The following MYH9 variants were observed in gnomAD, a reference collection of about 807,000 sequenced individuals.
MYH9 encodes the protein myosin heavy chain 9.
MYH9 carries 29 observed loss-of-function variants against 241.9 expected under a neutral mutation model. The observed-to-expected ratio is 0.12, with a 90% CI of 0.09 to 0.16. The LOEUF is 0.16. Among genes scored for constraint, MYH9 ranks in the 10% least tolerant of loss-of-function variants. MYH9 has a pLI of 1.00. For synonymous variants in MYH9, 1,047 were observed against 1,062.6 expected (o/e 0.99, Z 0.29); for missense variants, 1,803 against 2,595.5 (o/e 0.69, Z 6.63).
intron 12 of MYH9, 31 bp from the exon 13 acceptor site, chr22:36,314,349 C>A: frequency 6.2e-7 from 1 of 1,612,960 alleles, no homozygotes; most frequent in Non-Finnish European, 8.5e-7. Context: ...GTCAGAGAGA[C>A]GCCAACCCTG....
chr22:36,300,809 C>T lies in MYH9; in HGVS notation c.2838+42G>A. ...GTTCCTGCTCCTCCGCCCCGCCCTG[C>T]CCCTCCGGCGCCACCCCTCCCCGGG... On this transcript the variant is annotated intron_variant, in intron 22 of 40. Transcript: ENST00000216181. This position sits in a 1 kb window ranked among gnomAD's most constrained non-coding sequence, Gnocchi z 5.0. 6.3e-7 allele frequency: 1 copy of T among 1,596,578 alleles called. No individual in the cohort carries two copies. The highest frequency in any genetic ancestry group is 1.1e-5 in the South Asian group (1 of 91,028).
chr22:36,363,952 A>T (rs192867665), intron 1 of MYH9, among the ~76,000 whole-genome samples: 1 of 152,370 alleles, frequency 6.6e-6, no homozygotes, highest in East Asian at 1.9e-4. Context: ...GCTTCTGCTG[A>T]TAGAATGGTT....
intron 1 of MYH9, among the ~76,000 whole-genome samples, chr22:36,378,575 C>A (rs1415699858): frequency 6.6e-6 from 1 of 152,052 alleles, no homozygotes; most frequent in Non-Finnish European, 1.5e-5. Flanking sequence ...TTCTGAATGG[C>A]CCACCCTGCT....
In MYH9 at chr22:36,356,042, C is replaced by T. The variant is rs564594401; in HGVS notation, c.-19-6787G>A. On this transcript the variant is annotated intron_variant, in intron 1 of 40. Coordinates refer to ENST00000216181, the MANE Select transcript of MYH9 (RefSeq NM_002473.6). Reference sequence around the variant, plus strand: ...CCCAGTCTGCCAGGAGTTGACCTAACCAATCTCCAATGGCCTTGGGCACGC... The same window carrying T: ...CCCAGTCTGCCAGGAGTTGACCTAATCAATCTCCAATGGCCTTGGGCACGC... Among the ~76,000 whole-genome samples the T allele has an allele frequency of 3.3e-5, 5 of 152,296 alleles. No homozygotes were observed. In the East Asian group the frequency reaches 7.7e-4, roughly 24 times the overall value.
At position 36,308,301 on chromosome 22, in the gene MYH9, C is replaced by T. The variant is rs1222276489; in HGVS notation, c.1843+981G>A. On this transcript the variant is annotated intron_variant, in intron 15 of 40. Transcript: ENST00000216181. ...TTTTTTTTTTGAGGCAGGGTCTCAC[C>T]CTGTCACCCAGGCTGGAGTACAGTG... Among the ~76,000 whole-genome samples, 3 of 151,638 alleles carry T rather than the reference C, an allele frequency of 2.0e-5. No individual in the cohort carries two copies. In the East Asian group the frequency reaches 5.8e-4, roughly 29 times the overall value.
rs543593238 is a variant in MYH9 at position 36,334,668 on chromosome 22, C to T, written c.490+6702G>A. ...TTCATTAAGCGAGCAGGAGTGTGGACGGAAGGAATGAGCGATTTGAAGCCT... is the reference window on the plus strand; with the variant it reads ...TTCATTAAGCGAGCAGGAGTGTGGATGGAAGGAATGAGCGATTTGAAGCCT... On this transcript the variant is annotated intron_variant, in intron 3 of 40. Transcript: ENST00000216181. Among the ~76,000 whole-genome samples, 4 of 152,206 alleles carry T rather than the reference C, an allele frequency of 2.6e-5. No individual in the cohort carries two copies. The South Asian group carries it at 6.2e-4, about 24-fold the overall frequency.
intron 5 of MYH9, among the ~76,000 whole-genome samples, chr22:36,322,812 C>T (rs112105237): frequency 2.6e-5 from 4 of 152,216 alleles, no homozygotes; most frequent in African/African-American, 4.8e-5. Flanking sequence ...TGGCCCTGGA[C>T]GACCCATGTG....
At chr22:36,377,889 C>A (rs901381345) in intron 1 of MYH9, among the ~76,000 whole-genome samples, 1 of 151,792 alleles carries the variant, frequency 6.6e-6, no homozygotes, top group Admixed American at 6.6e-5. Context: ...CCAGCCTGGA[C>A]GACAGAGCAA....
rs546750350 is a variant in MYH9, at chr22:36,383,849, A to G, written c.-20+3958T>C. On this transcript the variant is annotated intron_variant, in intron 1 of 40. Coordinates refer to ENST00000216181, the MANE Select transcript of MYH9 (RefSeq NM_002473.6). ...GTGGCGGGCACCTGTAATCCCAGCT[A>G]TTCGGGAGGTTGAGGCATGAGAACC... Among the ~76,000 whole-genome samples the G allele has an allele frequency of 3.3e-5, 5 of 151,846 alleles. No individual in the cohort carries two copies. The South Asian group carries it at 8.4e-4, about 25-fold the overall frequency.
intron 1 of MYH9, among the ~76,000 whole-genome samples, chr22:36,363,824 G>A (rs968590669): frequency 7.9e-5 from 12 of 152,318 alleles, no homozygotes; most frequent in Admixed American, 2.0e-4. Flanking sequence ...TTCACCAAGC[G>A]CACCAAGCAT....
In MYH9 at chr22:36,282,530, G is replaced by C. The variant is rs368528822; in HGVS notation, c.*138C>G. 4.6e-5 allele frequency: 39 copies of C among 850,420 alleles called. No homozygotes were observed. The highest frequency in any genetic ancestry group is 9.9e-5 in the African/African-American group (6 of 60,744). The allele number at this position is 850,420 out of a possible 1,614,324, so 52.7% of individuals were successfully genotyped here. On this transcript the variant is annotated 3_prime_UTR_variant, in exon 41 of 41. Transcript: ENST00000216181. ...AACAACACCTGGAGGGAAACGGGAT[G>C]GGGGGACGGGGCGGAGGGCAGGAGG...
chr22:36,382,810 G>T (rs9610499), intron 1 of MYH9, among the ~76,000 whole-genome samples: 66,462 of 151,348 alleles, frequency 0.44, 17,595 homozygotes, highest in Non-Finnish European at 0.61. Flanking sequence ...CTCAAATAAA[G>T]AAATAAATAA....
In MYH9 at chr22:36,282,486, G is replaced by A; in HGVS notation, c.*182C>T. 1.3e-6 allele frequency: 1 copy of A among 741,022 alleles called. No individual in the cohort carries two copies. Among genetic ancestry groups the A allele is most frequent in the South Asian group, 1.5e-5 (1 of 68,538 alleles). 45.9% of individuals were successfully genotyped at this position (741,022 alleles called of 1,614,324 possible). On this transcript the variant is annotated 3_prime_UTR_variant, in exon 41 of 41. Coordinates refer to ENST00000216181, the MANE Select transcript of MYH9 (RefSeq NM_002473.6). The stretch of plus-strand genomic sequence containing the variant: ...GAGGGAGCTGGAAGGGGATGCAGCA[G>A]AGGAAGCCAAATGCCCTCAACAACA...
chr22:36,329,535 C>A lies in MYH9; in HGVS notation c.491-2047G>T, dbSNP rs1256447430. Among the ~76,000 whole-genome samples the A allele has an allele frequency of 2.0e-5, 3 of 152,344 alleles. No homozygotes were observed. The highest frequency in any genetic ancestry group is 3.9e-4 in the East Asian group (2 of 5,188). On this transcript the variant is annotated intron_variant, in intron 3 of 40. Transcript: ENST00000216181. The surrounding 1 kb of genome is among the most constrained non-coding windows in gnomAD (Gnocchi z 4.1). Reference sequence around the variant, plus strand: ...CCCCAGCTGTGGGCATGTTTAGTCACCGGCTCTACTAGCAGGCAAGAATGT... The same window carrying A: ...CCCCAGCTGTGGGCATGTTTAGTCAACGGCTCTACTAGCAGGCAAGAATGT...
chr22:36,329,724 A>G lies in MYH9; in HGVS notation c.491-2236T>C, dbSNP rs2017392751. Among the ~76,000 whole-genome samples the G allele has an allele frequency of 6.6e-6, 1 of 152,200 alleles. No individual in the cohort carries two copies. The highest frequency in any genetic ancestry group is 1.5e-5 in the Non-Finnish European group (1 of 68,038). On this transcript the variant is annotated intron_variant, in intron 3 of 40. Transcript: ENST00000216181. This position sits in a 1 kb window ranked among gnomAD's most constrained non-coding sequence, Gnocchi z 4.1. ...GGAGTCAGAGGCTCTGCTGCTGAAC[A>G]ACAGGAAGCAGAGCCCCCAAACACA...
At chr22:36,311,441 C>G (rs1358334706) in intron 14 of MYH9, among the ~76,000 whole-genome samples, 1 of 151,880 alleles carries the variant, frequency 6.6e-6, no homozygotes, top group Non-Finnish European at 1.5e-5. Context: ...GGACGGTGCT[C>G]CTAACTCTAG....
At chr22:36,355,213 C>A (rs978086832) in intron 1 of MYH9, among the ~76,000 whole-genome samples, 5 of 152,136 alleles carry the variant, frequency 3.3e-5, no homozygotes, top group Admixed American at 3.3e-4. Context: ...AGGCCATAAT[C>A]GAGCGGGACA....
At chr22:36,358,845 T>A (rs893155271) in intron 1 of MYH9, among the ~76,000 whole-genome samples, 1 of 152,190 alleles carries the variant, frequency 6.6e-6, no homozygotes, top group Non-Finnish European at 1.5e-5. Flanking sequence ...TATTATTTGA[T>A]CAGTTCAAAA....
chr22:36,330,385 G>T lies in MYH9; in HGVS notation c.491-2897C>A, dbSNP rs2017403461. On this transcript the variant is annotated intron_variant, in intron 3 of 40. Coordinates refer to ENST00000216181, the MANE Select transcript of MYH9 (RefSeq NM_002473.6). The surrounding 1 kb of genome is among the most constrained non-coding windows in gnomAD (Gnocchi z 4.5). ...ACCATGGCCCCATGCAACCGAAAAGGTCTTTCCAATGCTCAGGAAGGGTTT... is the reference window on the plus strand; with the variant it reads ...ACCATGGCCCCATGCAACCGAAAAGTTCTTTCCAATGCTCAGGAAGGGTTT... Among the ~76,000 whole-genome samples the T allele has an allele frequency of 6.6e-6, 1 of 152,218 alleles. No individual in the cohort carries two copies. The highest frequency in any genetic ancestry group is 1.5e-5 in the Non-Finnish European group (1 of 68,048).
Sources: gnomAD v4.1 joint callset for allele counts (sites outside exome capture counted in the v4.1 genomes callset) on GRCh38, gnomAD v4.1.1 for gene constraint, Gnocchi (gnomAD v3.1) non-coding constraint, MANE v1.5 for transcripts, NCBI Gene and HGNC (gene_info 2026-07-23, HGNC 2026-07-21) for gene names.